Variants in S100Z observed in about 807,000 individuals in gnomAD.
S100Z encodes S100 calcium binding protein Z.
A neutral mutation model predicts 8.5 loss-of-function variants in S100Z; 11 were observed. The observed-to-expected ratio is 1.30, with a 90% CI of 0.82 to 2.15. The LOEUF is 2.15. Ranked by LOEUF, S100Z falls within the 30% of genes most tolerant of loss-of-function variation. The probability of loss-of-function intolerance (pLI) is 0.00; values close to 1 mark genes in which losing one functional copy is unlikely to be tolerated. For synonymous variants in S100Z, 34 were observed against 43.8 expected (o/e 0.78, Z 0.89); for missense variants, 126 against 117.9 (o/e 1.07, Z -0.32).
chr5:76,940,121 C>T, the S100Z span, among the ~76,000 whole-genome samples: 6 of 140,118 alleles, frequency 4.3e-5, no homozygotes, highest in South Asian at 1.4e-3. Context: ...CATGCCACTG[C>T]ACTCTAGCCT....
chr5:76,948,785 AGAG>A, the S100Z span: 1 of 152,250 alleles, frequency 6.6e-6, no homozygotes, highest in East Asian at 1.9e-4. Context: ...AAATTAAAAT[AGAG>A]GAGTATTGTA....
intron 1 of S100Z, among the ~76,000 whole-genome samples, chr5:76,862,132 T>C (rs1011219532): frequency 1.4e-5 from 1 of 73,884 alleles, no homozygotes; most frequent in Non-Finnish European, 3.0e-5. Context: ...GGAGTGTGCG[T>C]GTGTGTGTGT....
intron 4 of S100Z, among the ~76,000 whole-genome samples, chr5:76,896,520 T>C (rs1193892181): frequency 9.3e-6 from 1 of 107,246 alleles, no homozygotes; most frequent in Non-Finnish European, 2.4e-5. Flanking sequence ...CTTTGATATA[T>C]TGATTTCCTT....
chr5:76,888,598 G>A (rs575472166), intron 4 of S100Z, among the ~76,000 whole-genome samples: 2 of 151,722 alleles, frequency 1.3e-5, no homozygotes, highest in Non-Finnish European at 2.9e-5. Context: ...GGATGGTCTC[G>A]ACCTCCTGAC....
the S100Z span, among the ~76,000 whole-genome samples, chr5:76,931,862 CAT>C: frequency 1.3e-5 from 2 of 151,898 alleles, no homozygotes; most frequent in Non-Finnish European, 2.9e-5. Context: ...CCAGGATGTC[CAT>C]ATATACACAT....
intron 4 of S100Z, among the ~76,000 whole-genome samples, chr5:76,909,881 C>A (rs758891262): frequency 3.9e-5 from 6 of 152,170 alleles, no homozygotes; most frequent in African/African-American, 7.2e-5. Flanking sequence ...TAGATCAAAC[C>A]CTGGCCTTTA....
At chr5:76,952,113 C>T in the S100Z span, among the ~76,000 whole-genome samples, 3 of 152,290 alleles carry the variant, frequency 2.0e-5, no homozygotes, top group South Asian at 4.1e-4. Flanking sequence ...TCTCTTCTCT[C>T]CTGATAAGCA....
At chr5:76,875,624 A>G in intron 3 of S100Z, 124 bp downstream of exon 3, 1 of 827,404 alleles carries the variant, frequency 1.2e-6, no homozygotes, top group Non-Finnish European at 1.8e-6. Flanking sequence ...TTGTACAGAG[A>G]TTCAAAATAT....
chr5:76,881,437 C>T (rs1042418642), intron 4 of S100Z, among the ~76,000 whole-genome samples: 33 of 152,102 alleles, frequency 2.2e-4, no homozygotes, highest in Non-Finnish European at 4.6e-4. Flanking sequence ...CAGTCCTGGG[C>T]GGGGGCAAAT....
At chr5:76,912,472 C>T (rs4704377) in intron 4 of S100Z, among the ~76,000 whole-genome samples, 2,414 of 152,220 alleles carry the variant, frequency 0.016, 74 homozygotes, top group East Asian at 0.11. Context: ...ATGATGTAAC[C>T]GTACTTGAAA....
At chr5:76,857,699 C>T (rs182108685) in intron 1 of S100Z, among the ~76,000 whole-genome samples, 1 of 152,146 alleles carries the variant, frequency 6.6e-6, no homozygotes, top group East Asian at 1.9e-4. Context: ...CGGGGTTTTG[C>T]CATGTTGGCC....
At chr5:76,930,596 A>T in the S100Z span, among the ~76,000 whole-genome samples, 1 of 152,312 alleles carries the variant, frequency 6.6e-6, no homozygotes, top group East Asian at 1.9e-4. Flanking sequence ...GAAGTTCTGC[A>T]GCTCGATACC....
At chr5:76,853,829 G>T (rs3886184) in intron 1 of S100Z, among the ~76,000 whole-genome samples, 92,712 of 151,190 alleles carry the variant, frequency 0.61, 29,282 homozygotes, top group African/African-American at 0.76. Flanking sequence ...TAATCCCCAG[G>T]GTTGGAGTGG....
chr5:76,936,378 C>T, the S100Z span, among the ~76,000 whole-genome samples: 1 of 151,832 alleles, frequency 6.6e-6, no homozygotes, highest in Admixed American at 6.6e-5. Context: ...AAATTATGTA[C>T]ATATCTAAAA....
chr5:76,946,995 C>A, the S100Z span, among the ~76,000 whole-genome samples: 1 of 150,200 alleles, frequency 6.7e-6, no homozygotes, highest in Admixed American at 6.6e-5. Flanking sequence ...AACATCCTAC[C>A]CCCTGGCCTC....
chr5:76,915,034 G>A (rs1700658), intron 4 of S100Z, among the ~76,000 whole-genome samples: 104,377 of 152,068 alleles, frequency 0.69, 36,575 homozygotes, highest in African/African-American at 0.82. Context: ...GGCCGGGCAC[G>A]GTGGCTCACG....
At chr5:76,911,754 A>C (rs375518799) in intron 4 of S100Z, among the ~76,000 whole-genome samples, 17 of 152,338 alleles carry the variant, frequency 1.1e-4, no homozygotes, top group African/African-American at 4.1e-4. Flanking sequence ...TGCCTATAGC[A>C]GGTCAAATAT....
At chr5:76,948,202 T>A in the S100Z span, among the ~76,000 whole-genome samples, 2 of 152,128 alleles carry the variant, frequency 1.3e-5, no homozygotes, top group Non-Finnish European at 2.9e-5. Context: ...GGTGCACACC[T>A]GTAATCCCAG....
intron 4 of S100Z, among the ~76,000 whole-genome samples, chr5:76,889,673 C>CA (rs1342567198): frequency 1.3e-5 from 2 of 152,202 alleles, no homozygotes; most frequent in African/African-American, 4.8e-5. Context: ...AATTAGATTT[C>CA]AAATAAGTAA....
Sources: allele counts gnomAD v4.1 joint callset (sites outside exome capture counted in the v4.1 genomes callset), GRCh38; gene constraint gnomAD v4.1.1; transcripts MANE v1.5; gene names NCBI Gene and HGNC (gene_info 2026-07-23, HGNC 2026-07-21).